AKAP9: variants seen among roughly 807,000 people sequenced by gnomAD.
The protein encoded by AKAP9 is A-kinase anchoring protein 9, also known as A-kinase anchor protein 9.
A neutral mutation model predicts 488.5 loss-of-function variants in AKAP9; 311 were observed. The observed-to-expected ratio is 0.64, with a 90% CI of 0.58 to 0.70. The LOEUF (loss-of-function observed/expected upper bound fraction) is 0.70, where lower values mean the gene tolerates loss of function less well. AKAP9 is among the 30% of genes least tolerant of loss of function. AKAP9 has a pLI of 0.00. For missense variants in AKAP9, 4,215 were observed against 4,374.5 expected (o/e 0.96, Z 1.03); for synonymous variants, 1,462 against 1,483.5 (o/e 0.99, Z 0.33).
intron 4 of AKAP9, among the ~76,000 whole-genome samples, chr7:91,992,649 G>A (rs1797900800): frequency 8.4e-6 from 1 of 118,706 alleles, no homozygotes; most frequent in African/African-American, 3.3e-5. Flanking sequence ...GGGTGACAGA[G>A]CAAGACTCTG....
At chr7:92,049,026 A>T (rs1308243786) in intron 21 of AKAP9, among the ~76,000 whole-genome samples, 2 of 152,220 alleles carry the variant, frequency 1.3e-5, no homozygotes, top group African/African-American at 4.8e-5. Context: ...AGAGATTCAG[A>T]GAGCCTTTGG....
intron 16 of AKAP9, among the ~76,000 whole-genome samples, chr7:92,035,198 G>C (rs1044181476): frequency 6.6e-6 from 1 of 152,128 alleles, no homozygotes; most frequent in Non-Finnish European, 1.5e-5. Context: ...TATTTCCCCC[G>C]TGACTTCCTC....
intron 8 of AKAP9, among the ~76,000 whole-genome samples, chr7:92,008,330 G>A: frequency 6.6e-6 from 1 of 151,860 alleles, no homozygotes; most frequent in East Asian, 1.9e-4. Context: ...TCGCGCCACT[G>A]CACTCCAGCC....
intron 30 of AKAP9, among the ~76,000 whole-genome samples, chr7:92,078,204 A>C (rs978452136): frequency 1.3e-5 from 2 of 151,862 alleles, no homozygotes; most frequent in Non-Finnish European, 2.9e-5. Flanking sequence ...CACCATGTTG[A>C]CCAGGCTGGT....
chr7:92,023,015 C>T lies in AKAP9; in HGVS notation c.4148+6C>T, dbSNP rs1288297178. 1.2e-6 allele frequency: 2 copies of T among 1,610,550 alleles called. No homozygotes were observed. The highest frequency in any genetic ancestry group is 1.7e-6 in the Non-Finnish European group (2 of 1,176,940). ...GAGTCCACGGTTCCGCCAAGGTATT[C>T]ATCTGCTTATAGCTTCATTCAACAG... On this transcript the variant is annotated splice_donor_region_variant and intron_variant, in intron 14 of 49. Transcript: ENST00000356239.
rs996119774 is a variant in AKAP9 at position 92,038,900 on chromosome 7, CGTT to C, written c.4692+132_4692+134del. 16 of 727,290 alleles carry C rather than the reference CGTT, an allele frequency of 2.2e-5. No individual in the cohort carries two copies. In the African/African-American group the frequency reaches 2.5e-4, roughly 11 times the overall value. The allele number at this position is 727,290 out of a possible 1,614,324, so 45.1% of individuals were successfully genotyped here. On this transcript the variant is annotated intron_variant, in intron 17 of 49. Transcript: ENST00000356239. Reference sequence around the variant, plus strand: ...ATATCAAATTCAGTCTTATGACTCACGTTGTTTTGTTTTGTTTTGTTTTTGAGG... The same window carrying C: ...ATATCAAATTCAGTCTTATGACTCACGTTTTGTTTTGTTTTGTTTTTGAGG...
chr7:91,958,738 GT>G (rs760256234), intron 1 of AKAP9, among the ~76,000 whole-genome samples: 60 of 152,198 alleles, frequency 3.9e-4, no homozygotes, highest in Non-Finnish European at 6.2e-4. Context: ...ATTTTGAATA[GT>G]TTGTTGTTTA....
intron 21 of AKAP9, among the ~76,000 whole-genome samples, chr7:92,045,830 CT>C (rs35346628): frequency 5.2e-3 from 566 of 108,870 alleles, no homozygotes; most frequent in African/African-American, 0.017. Flanking sequence ...CTTTCCGTTT[CT>C]TTTTTTTTTT....
rs1169873771 is a variant in AKAP9, at chr7:92,040,718, A to G, written c.4737A>G (p.Gln1579=). The G allele has an allele frequency of 1.2e-6, 2 of 1,613,738 alleles. No homozygotes were observed. The highest frequency in any genetic ancestry group is 1.1e-5 in the South Asian group (1 of 91,062). The change falls in exon 18 of 50, where the codon CAA becomes CAG. Residue 1579 remains glutamine (Q), a synonymous_variant. Transcript: ENST00000356239. ...TGTCAAGCATGGATGCTTCTAGACAACTAATGTTGAATGAAGAACAGTTGG... is the reference window on the plus strand; with the variant it reads ...TGTCAAGCATGGATGCTTCTAGACAGCTAATGTTGAATGAAGAACAGTTGG... The part of the protein sequence containing the change: ...ISVSSMDASR[Q]LMLNEEQLED...
In AKAP9 at chr7:92,080,031, A is replaced by G. The variant is rs1813249923; in HGVS notation, c.7898A>G (p.Glu2633Gly). ...GAAAAAGAACAAGTAGAAATTGCAG[A>G]AAAAAATGTTTTAGAAAAAGAAAAG... ...ILEKEQVEIA[E>G]KNVLEKEKKL... Residue 2633 changes from glutamate (E) to glycine (G), a missense_variant, in exon 31 of 50, where the codon GAA becomes GGA. Glu to Gly is a moderately conservative substitution (Grantham distance 98, BLOSUM62 -2). This residue lies in a region of AKAP9 where 1,476 missense variants were observed against 1,477.4 expected (regional missense o/e 1.00). Transcript: ENST00000356239. The G allele has an allele frequency of 5.1e-6, 8 of 1,561,996 alleles. No individual in the cohort carries two copies. Among genetic ancestry groups the G allele is most frequent in the Admixed American group, 2.2e-5 (1 of 45,318 alleles).
At chr7:92,023,756 A>T (rs1203282111) in intron 14 of AKAP9, among the ~76,000 whole-genome samples, 2 of 152,056 alleles carry the variant, frequency 1.3e-5, no homozygotes, top group African/African-American at 4.8e-5. Flanking sequence ...TACTTTTCTG[A>T]TTTTTAATCT....
chr7:92,097,229 C>G lies in AKAP9; in HGVS notation c.10270C>G (p.Gln3424Glu). The G allele has an allele frequency of 6.2e-7, 1 of 1,612,690 alleles. No individual in the cohort carries two copies. The highest frequency in any genetic ancestry group is 8.5e-7 in the Non-Finnish European group (1 of 1,179,696). Reference sequence around the variant, plus strand: ...TCAGCGCCAGCTGGAAGAGAAAAGACAACAAGTTTATAAGTTAGACCTTGA... The same window carrying G: ...TCAGCGCCAGCTGGAAGAGAAAAGAGAACAAGTTTATAAGTTAGACCTTGA... The part of the protein sequence containing the change: ...DLQRQLEEKR[Q>E]QVYKLDLEGQ... The change falls in exon 41 of 50, where the codon CAA becomes GAA. Residue 3424 changes from glutamine (Q) to glutamate (E), a missense_variant. Around this residue, in one of 5 missense-constraint regions of AKAP9, gnomAD observed 1,476 missense variants for 1,477.4 expected, o/e 1.00. Coordinates refer to ENST00000356239, the MANE Select transcript of AKAP9 (RefSeq NM_005751.5).
intron 1 of AKAP9, among the ~76,000 whole-genome samples, chr7:91,951,197 T>C (rs1419054381): frequency 6.6e-6 from 1 of 152,122 alleles, no homozygotes; most frequent in African/African-American, 2.4e-5. Context: ...TTTAATTGTA[T>C]GGCAGGAGAG....
intron 48 of AKAP9, chr7:92,107,732 T>C: frequency 7.1e-6 from 2 of 280,582 alleles, no homozygotes; most frequent in South Asian, 7.6e-5. Context: ...GCGCCTGTGG[T>C]CCCAGCTACT....
chr7:92,058,108 T>G, intron 22 of AKAP9: 1 of 529,868 alleles, frequency 1.9e-6, no homozygotes, highest in Non-Finnish European at 3.7e-6. Context: ...AAAAAGAACT[T>G]TTTAATGTAT....
chr7:91,976,343 C>T (rs1020796207), intron 2 of AKAP9, among the ~76,000 whole-genome samples: 1 of 152,122 alleles, frequency 6.6e-6, no homozygotes, highest in African/African-American at 2.4e-5. Context: ...CACCTCAGCC[C>T]GACAAGTAGC....
At chr7:91,961,108 A>G (rs748517227) in intron 1 of AKAP9, among the ~76,000 whole-genome samples, 2 of 152,232 alleles carry the variant, frequency 1.3e-5, no homozygotes, top group Non-Finnish European at 1.5e-5. Flanking sequence ...TGAACACTCA[A>G]GAAACTGAAG....
At chr7:92,063,469 A>C (rs1810248016) in intron 24 of AKAP9, 1 of 978,266 alleles carries the variant, frequency 1.0e-6, no homozygotes, top group African/African-American at 1.8e-5. Context: ...TAGGACTAGT[A>C]GATGCTGCAG....
chr7:92,106,840 G>A (rs887737154), intron 47 of AKAP9, among the ~76,000 whole-genome samples: 3 of 152,162 alleles, frequency 2.0e-5, no homozygotes, highest in Admixed American at 6.5e-5. Context: ...TCATTACACT[G>A]AAACAGCTGA....
Sources: allele counts gnomAD v4.1 joint callset (sites outside exome capture counted in the v4.1 genomes callset), GRCh38; gene constraint gnomAD v4.1.1; regional missense constraint gnomAD v4.1.1; transcripts MANE v1.5; gene names NCBI Gene and HGNC (gene_info 2026-07-23, HGNC 2026-07-21).